Variants in PARN observed in about 807,000 individuals in gnomAD.
PARN encodes poly(A)-specific ribonuclease PARN.
Under a neutral mutation model 102.8 loss-of-function variants are expected in PARN, and 71 were observed. That is an observed-to-expected ratio of 0.69 (90% CI 0.57 to 0.84). The LOEUF (loss-of-function observed/expected upper bound fraction) is 0.84. PARN is among the 40% of genes least tolerant of loss of function. PARN has a pLI of 0.00. For synonymous variants in PARN, 261 were observed against 252.9 expected (o/e 1.03, Z -0.30); for missense variants, 782 against 760.9 (o/e 1.03, Z -0.33).
At chr16:14,619,835 G>A (rs2151812390) in intron 5 of PARN, among the ~76,000 whole-genome samples, 1 of 152,058 alleles carries the variant, frequency 6.6e-6, no homozygotes, top group Non-Finnish European at 1.5e-5. Context: ...ACTTTCGGAG[G>A]CTGAGGCAGG....
At chr16:14,528,801 G>A (rs1348328477) in intron 21 of PARN, among the ~76,000 whole-genome samples, 3 of 152,034 alleles carry the variant, frequency 2.0e-5, no homozygotes, top group South Asian at 2.1e-4. Flanking sequence ...TCCTTCAAGC[G>A]GCTAAAATAA....
intron 21 of PARN, among the ~76,000 whole-genome samples, chr16:14,531,630 A>T (rs567019265): frequency 6.6e-6 from 1 of 152,218 alleles, no homozygotes; most frequent in East Asian, 1.9e-4. Flanking sequence ...AATACATAGA[A>T]ACTGTTTGGG....
At chr16:14,628,027 A>C (rs923067465) in intron 3 of PARN, 145 bp downstream of exon 3, 20 of 652,234 alleles carry the variant, frequency 3.1e-5, no homozygotes, top group African/African-American at 2.0e-4. Flanking sequence ...ACAAAACAAA[A>C]AAAAAAATCA....
chr16:14,538,211 AT>A, intron 21 of PARN, among the ~76,000 whole-genome samples: 1 of 140,942 alleles, frequency 7.1e-6, no homozygotes, highest in South Asian at 2.2e-4. Context: ...ATTTTCAAAT[AT>A]TTTTCACTTT....
chr16:14,440,758 GCTAA>G (rs1960907489), intron 23 of PARN, among the ~76,000 whole-genome samples: 1 of 152,162 alleles, frequency 6.6e-6, no homozygotes, highest in African/African-American at 2.4e-5. Flanking sequence ...GGCTCAAAAG[GCTAA>G]CTATCGCATG....
At chr16:14,533,291 A>G (rs1372307158) in intron 21 of PARN, among the ~76,000 whole-genome samples, 2 of 152,092 alleles carry the variant, frequency 1.3e-5, no homozygotes, top group Non-Finnish European at 2.9e-5. Flanking sequence ...CTGCAATCGC[A>G]AGTACTCGGC....
chr16:14,563,579 A>T (rs551396319), intron 18 of PARN, among the ~76,000 whole-genome samples: 24 of 151,370 alleles, frequency 1.6e-4, no homozygotes, highest in African/African-American at 5.6e-4. Flanking sequence ...TTAAATATGT[A>T]TCTTTTAAAT....
At chr16:14,575,034 A>C (rs951534543) in intron 18 of PARN, among the ~76,000 whole-genome samples, 1 of 152,224 alleles carries the variant, frequency 6.6e-6, no homozygotes, top group Non-Finnish European at 1.5e-5. Context: ...GGCACACAGA[A>C]GTCAAGAATT....
At chr16:14,452,395 C>T (rs562845976) in intron 22 of PARN, among the ~76,000 whole-genome samples, 7 of 152,338 alleles carry the variant, frequency 4.6e-5, no homozygotes, top group Admixed American at 2.0e-4. Flanking sequence ...TATTTAGAGA[C>T]GGAGTCTTGC....
intron 12 of PARN, among the ~76,000 whole-genome samples, chr16:14,596,694 C>G (rs1391688095): frequency 6.6e-6 from 1 of 151,902 alleles, no homozygotes; most frequent in Non-Finnish European, 1.5e-5. Flanking sequence ...TGCAGTGAGC[C>G]AGTGTACTCC....
intron 22 of PARN, among the ~76,000 whole-genome samples, chr16:14,460,717 A>G (rs535740553): frequency 6.6e-6 from 1 of 152,376 alleles, no homozygotes; most frequent in South Asian, 2.1e-4. Context: ...CTGAGAATTA[A>G]AGTGTTTTAT....
rs946705529 is a variant in PARN at position 14,554,238 on chromosome 16, A to G, written c.1319-87T>C. 6.7e-5 allele frequency: 56 copies of G among 839,770 alleles called. No homozygotes were observed. In the East Asian group the frequency reaches 1.4e-3, roughly 20 times the overall value. 52.0% of individuals were successfully genotyped at this position (839,770 alleles called of 1,614,324 possible). A position where few individuals can be genotyped will look rare whatever the true frequency, so the allele number is the denominator to read the frequency against. ...TCTTTGATGAAACTAAGTCTGAGCTAATTTGGAGAACTGTTATGAATTCCT... is the reference window on the plus strand; with the variant it reads ...TCTTTGATGAAACTAAGTCTGAGCTGATTTGGAGAACTGTTATGAATTCCT... On this transcript the variant is annotated intron_variant, in intron 19 of 23. Transcript: ENST00000437198.
intron 21 of PARN, among the ~76,000 whole-genome samples, chr16:14,510,907 GTTTCTGAGGCAATT>G (rs1965152604): frequency 6.6e-6 from 1 of 152,156 alleles, no homozygotes; most frequent in Non-Finnish European, 1.5e-5. Context: ...AGCAGAAAAT[GTTTCTGAGGCAATT>G]TTTCTTTTCA....
intron 22 of PARN, among the ~76,000 whole-genome samples, chr16:14,457,995 T>C (rs1007769650): frequency 6.6e-6 from 1 of 151,620 alleles, no homozygotes; most frequent in Non-Finnish European, 1.5e-5. Flanking sequence ...ATCTGCTCCA[T>C]CCTAGACATA....
rs1349338098 is a variant in PARN at position 14,627,265 on chromosome 16, C to T, written c.245+4G>A. On this transcript the variant is annotated splice_donor_region_variant and intron_variant, in intron 4 of 23. Coordinates refer to ENST00000437198, the MANE Select transcript of PARN (RefSeq NM_002582.4). Reference sequence around the variant, plus strand: ...AATTCCCAACGTTTGTTAACACAACCTACTTTGAATCTGTGTAGTCATACT... The same window carrying T: ...AATTCCCAACGTTTGTTAACACAACTTACTTTGAATCTGTGTAGTCATACT... 6.3e-7 allele frequency: 1 copy of T among 1,591,904 alleles called. No homozygotes were observed.
At chr16:14,482,898 A>G in intron 21 of PARN, 71 bp from the exon 22 acceptor site, 1 of 1,354,422 alleles carries the variant, frequency 7.4e-7, no homozygotes, top group Non-Finnish European at 1.0e-6. Context: ...ACACTTTTGA[A>G]ATGTGGCCTA....
intron 21 of PARN, among the ~76,000 whole-genome samples, chr16:14,541,919 C>T (rs998598065): frequency 6.6e-5 from 10 of 152,156 alleles, no homozygotes; most frequent in African/African-American, 2.4e-4. Context: ...ATACAAAGAA[C>T]CAGGAAAACA....
intron 21 of PARN, among the ~76,000 whole-genome samples, chr16:14,515,584 T>C (rs1435352696): frequency 6.6e-6 from 1 of 151,932 alleles, no homozygotes; most frequent in East Asian, 1.9e-4. Context: ...AAAAAAGAGA[T>C]GAAAAGCTGT....
Position 14,482,681 on chromosome 16 carries a change from A to C in PARN, c.1627T>G (p.Cys543Gly). ...TGATTCTGCAGGGTGTAGGGTATGC[A>C]CTGGGGGTTTAACCGTTTGCTGTCA... ...EADSKRLNPQ[C>G]IPYTLQNHYY... is the part of the protein sequence containing the mutation. The change falls in exon 22 of 24, where the codon TGC becomes GGC. Residue 543 changes from cysteine (C) to glycine (G), a missense_variant. Physicochemically the swap from Cys to Gly is radical, Grantham distance 159 (BLOSUM62 -3). Transcript: ENST00000437198. 1 of 1,613,796 alleles carries C rather than the reference A, an allele frequency of 6.2e-7. No homozygotes were observed. Among genetic ancestry groups the C allele is most frequent in the Non-Finnish European group, 8.5e-7 (1 of 1,179,792 alleles).
Sources: allele counts gnomAD v4.1 joint callset (sites outside exome capture counted in the v4.1 genomes callset), GRCh38; gene constraint gnomAD v4.1.1; transcripts MANE v1.5; gene names NCBI Gene and HGNC (gene_info 2026-07-23, HGNC 2026-07-21).